TTC28: variants seen among roughly 807,000 people sequenced by gnomAD.
The protein encoded by TTC28 is tetratricopeptide repeat domain 28.
In TTC28, 61 loss-of-function variants were observed where a neutral mutation model predicts 198.0. The ratio of observed to expected loss-of-function variants is 0.31; its 90% CI spans 0.25 to 0.38. TTC28 has a LOEUF of 0.38. Ranked by LOEUF, TTC28 falls within the 10% of genes least tolerant of loss-of-function variation. The probability of loss-of-function intolerance (pLI) is 1.00; values close to 1 mark genes in which losing one functional copy is unlikely to be tolerated. For synonymous variants in TTC28, 1,171 were observed against 1,297.8 expected (o/e 0.90, Z 2.10); for missense variants, 2,678 against 3,164.0 (o/e 0.85, Z 3.69).
intron 5 of TTC28, among the ~76,000 whole-genome samples, chr22:28,256,327 A>G (rs1930914944): frequency 6.6e-6 from 1 of 151,288 alleles, no homozygotes; most frequent in Non-Finnish European, 1.5e-5. Flanking sequence ...AGGCTGAGAC[A>G]GGAGAATTGC....
intron 2 of TTC28, among the ~76,000 whole-genome samples, chr22:28,495,369 T>A (rs1305237907): frequency 6.6e-6 from 1 of 152,116 alleles, no homozygotes; most frequent in Non-Finnish European, 1.5e-5. Context: ...TTAAAGTGCA[T>A]CAGAATTCTC....
intron 2 of TTC28, among the ~76,000 whole-genome samples, chr22:28,320,155 A>G (rs1179445254): frequency 6.6e-6 from 1 of 152,176 alleles, no homozygotes; most frequent in Admixed American, 6.5e-5. Flanking sequence ...CATGCATAAA[A>G]GCACACATTT....
intron 5 of TTC28, among the ~76,000 whole-genome samples, chr22:28,192,268 C>A (rs1277631409): frequency 6.6e-6 from 1 of 151,986 alleles, no homozygotes; most frequent in Non-Finnish European, 1.5e-5. Flanking sequence ...GAAAGGACAT[C>A]CACACCAAAA....
chr22:27,998,781 G>A lies in TTC28; in HGVS notation c.4878C>T (p.Ser1626=), dbSNP rs1164630881. 4.5e-6 allele frequency: 7 copies of A among 1,550,702 alleles called. No individual in the cohort carries two copies. The highest frequency in any genetic ancestry group is 6.1e-6 in the Non-Finnish European group (7 of 1,147,014). The part of the protein sequence containing the change: ...LPVKLVVLGS[S]QESNSKVTAD... ...CTGTGACTTTGCTGTTGGACTCCTG[G>A]GAGGAGCCAAGCACCACCAGCTTCA... is the stretch of plus-strand genomic sequence containing the variant. Residue 1626 remains serine, a synonymous_variant, in exon 16 of 23, where the codon TCC becomes TCT. Transcript: ENST00000397906.
chr22:28,608,899 A>G (rs1482094933), intron 2 of TTC28, among the ~76,000 whole-genome samples: 1 of 152,210 alleles, frequency 6.6e-6, no homozygotes, highest in Non-Finnish European at 1.5e-5. Flanking sequence ...AACACACAAA[A>G]GCCAATAACA....
intron 2 of TTC28, among the ~76,000 whole-genome samples, chr22:28,440,900 G>A (rs2047610704): frequency 6.6e-6 from 1 of 152,166 alleles, no homozygotes; most frequent in South Asian, 2.1e-4. Flanking sequence ...AACAAGAATT[G>A]TTGTCAAGCT....
chr22:27,990,851 G>A, intron 19 of TTC28, 39 bp from the exon 20 acceptor site: 3 of 1,540,152 alleles, frequency 1.9e-6, no homozygotes, highest in Non-Finnish European at 2.6e-6. Flanking sequence ...AAGAAAGAGA[G>A]AAAGAAGAGA....
rs1353027877 is a variant in TTC28 at position 27,980,208 on chromosome 22, ATTG to A, written c.*2010_*2012del. 2 of 152,370 alleles carry A rather than the reference ATTG, an allele frequency of 1.3e-5. No individual in the cohort carries two copies. The highest frequency in any genetic ancestry group is 4.8e-5 in the African/African-American group (2 of 41,580). The allele number at this position is 152,370 out of a possible 1,614,324, so 9.4% of individuals were successfully genotyped here. ...TTTAGAAACTTGAGGTTTACTTTTC[ATTG>A]TTAAGAACCTGATTTTGCTATCTAA... On this transcript the variant is annotated 3_prime_UTR_variant, in exon 23 of 23. Coordinates refer to ENST00000397906, the MANE Select transcript of TTC28 (RefSeq NM_001145418.2).
chr22:28,215,926 GGCTA>G, intron 5 of TTC28, among the ~76,000 whole-genome samples: 1 of 152,250 alleles, frequency 6.6e-6, no homozygotes, highest in East Asian at 1.9e-4. Flanking sequence ...ACAAAGTACA[GGCTA>G]ATTAAATTTT....
chr22:28,288,183 C>A (rs956359626), intron 5 of TTC28, among the ~76,000 whole-genome samples: 3 of 152,142 alleles, frequency 2.0e-5, no homozygotes, highest in African/African-American at 7.2e-5. Flanking sequence ...CAACAATAAG[C>A]AAAACAGATA....
chr22:28,334,740 G>A (rs1356732913), intron 2 of TTC28, among the ~76,000 whole-genome samples: 1 of 152,088 alleles, frequency 6.6e-6, no homozygotes, highest in African/African-American at 2.4e-5. Flanking sequence ...TGTAGATTCT[G>A]GATATTACCC....
chr22:28,037,624 C>A (rs1333811424), intron 12 of TTC28, among the ~76,000 whole-genome samples: 1 of 152,196 alleles, frequency 6.6e-6, no homozygotes, highest in Non-Finnish European at 1.5e-5. Flanking sequence ...GGGATGCCCT[C>A]TCTCACCACT....
At chr22:28,551,552 C>A (rs1313223241) in intron 2 of TTC28, among the ~76,000 whole-genome samples, 1 of 152,104 alleles carries the variant, frequency 6.6e-6, no homozygotes, top group African/African-American at 2.4e-5. Flanking sequence ...GGTTTCATAC[C>A]AGGGATGAGG....
At chr22:28,037,834 A>G (rs929856660) in intron 12 of TTC28, among the ~76,000 whole-genome samples, 7 of 152,254 alleles carry the variant, frequency 4.6e-5, no homozygotes, top group Non-Finnish European at 1.0e-4. Context: ...AGGATACAAA[A>G]TCAATGTGTA....
At position 28,107,185 on chromosome 22, in the gene TTC28, T is replaced by C. The variant is rs1293265657; in HGVS notation, c.2660A>G (p.Tyr887Cys). 5 of 1,551,722 alleles carry C rather than the reference T, an allele frequency of 3.2e-6. No homozygotes were observed. The highest frequency in any genetic ancestry group is 1.2e-5 in the South Asian group (1 of 84,064). Reference sequence around the variant, plus strand: ...TTCCTCATAGTCACCCAGGGCTTCGTAGCAATCCCCCAGGTTGCCATAGGC... The same window carrying C: ...TTCCTCATAGTCACCCAGGGCTTCGCAGCAATCCCCCAGGTTGCCATAGGC... ...GRAYGNLGDC[Y>C]EALGDYEEAI... Residue 887 changes from tyrosine to cysteine, a missense_variant, in exon 7 of 23, where the codon TAC (tyrosine) becomes TGC (cysteine). Transcript: ENST00000397906.
At chr22:28,577,643 C>T (rs2050171776) in intron 2 of TTC28, among the ~76,000 whole-genome samples, 1 of 151,922 alleles carries the variant, frequency 6.6e-6, no homozygotes, top group East Asian at 1.9e-4. Flanking sequence ...ATCTGCATGC[C>T]CCAGTGTTGG....
chr22:28,185,214 A>G (rs1306943627), intron 5 of TTC28, among the ~76,000 whole-genome samples: 1 of 152,180 alleles, frequency 6.6e-6, no homozygotes, highest in African/African-American at 2.4e-5. Context: ...AAACCCATAA[A>G]CACAGGCTGT....
intron 19 of TTC28, 115 bp from the exon 20 acceptor site, chr22:27,990,927 G>C (rs1021013840): frequency 9.4e-7 from 1 of 1,058,422 alleles, no homozygotes; most frequent in Non-Finnish European, 1.4e-6. Context: ...CGCCACACCA[G>C]GCCCGCGGCT....
intron 2 of TTC28, among the ~76,000 whole-genome samples, chr22:28,578,854 G>C (rs1182555052): frequency 6.6e-6 from 1 of 151,974 alleles, no homozygotes; most frequent in African/African-American, 2.4e-5. Context: ...GAAACATTTA[G>C]ACCAGCCCTA....
Sources: allele counts gnomAD v4.1 joint callset (sites outside exome capture counted in the v4.1 genomes callset), GRCh38; gene constraint gnomAD v4.1.1; transcripts MANE v1.5; gene names NCBI Gene and HGNC (gene_info 2026-07-23, HGNC 2026-07-21).